ERC2: variants seen among roughly 807,000 people sequenced by gnomAD.
The protein encoded by ERC2 is ELKS/RAB6-interacting/CAST family member 2, also known as ERC protein 2.
A neutral mutation model predicts 114.8 loss-of-function variants in ERC2; 42 were observed. The observed-to-expected ratio is 0.37, with a 90% CI of 0.29 to 0.47. ERC2 has a LOEUF of 0.47. Ranked by LOEUF, ERC2 falls within the 20% of genes least tolerant of loss-of-function variation. ERC2 has a pLI of 0.99. For synonymous variants in ERC2, 454 were observed against 425.5 expected (o/e 1.07, Z -0.82); for missense variants, 939 against 1,150.7 (o/e 0.82, Z 2.66).
chr3:56,271,986 A>T (rs1336081657), intron 3 of ERC2, among the ~76,000 whole-genome samples: 1 of 152,198 alleles, frequency 6.6e-6, no homozygotes, highest in Non-Finnish European at 1.5e-5. Flanking sequence ...TTCTATATCC[A>T]GTCTACCATT....
intron 2 of ERC2, among the ~76,000 whole-genome samples, chr3:56,338,724 T>C (rs1222520163): frequency 6.6e-6 from 1 of 152,220 alleles, no homozygotes; most frequent in African/African-American, 2.4e-5. Context: ...GTGACTGTTC[T>C]GAGGGGGGAA....
intron 6 of ERC2, among the ~76,000 whole-genome samples, chr3:56,122,255 G>T (rs984417760): frequency 6.6e-6 from 1 of 152,050 alleles, no homozygotes; most frequent in Non-Finnish European, 1.5e-5. Context: ...ATTGTATTTC[G>T]TATCCCATAT....
chr3:56,041,559 A>G (rs1388666870), intron 7 of ERC2, among the ~76,000 whole-genome samples: 1 of 152,150 alleles, frequency 6.6e-6, no homozygotes, highest in Non-Finnish European at 1.5e-5. Context: ...GGCCAGAGAA[A>G]GCAGGCATTC....
Position 55,992,109 on chromosome 3 carries a change from C to G in ERC2, c.2203G>C (p.Glu735Gln), listed in dbSNP as rs749708188. The stretch of plus-strand genomic sequence containing the variant: ...TTGTCATTCTTCTCATTCTCCACCT[C>G]CTTGAGGATCTCCAGCAACCGGTCC... ...EVDRLLEILK[E>Q]VENEKNDKDK... Residue 735 changes from glutamate to glutamine, a missense_variant, in exon 11 of 18, where the codon GAG (glutamate) becomes CAG (glutamine). Physicochemically the swap from Glu to Gln is conservative, Grantham distance 29. This residue lies in a region of ERC2 where 328 missense variants were observed against 353.9 expected (regional missense o/e 0.93). Transcript: ENST00000288221. 9 of 1,613,992 alleles carry G rather than the reference C, an allele frequency of 5.6e-6. 1 individual carries two copies. In the South Asian group the frequency reaches 9.9e-5, roughly 18 times the overall value.
chr3:56,238,863 GA>G (rs2051139285), intron 3 of ERC2, among the ~76,000 whole-genome samples: 1 of 152,050 alleles, frequency 6.6e-6, no homozygotes, highest in Non-Finnish European at 1.5e-5. Flanking sequence ...CAAGATGTCA[GA>G]AAAAAATAAT....
chr3:56,207,989 A>AG (rs890832636), intron 3 of ERC2, among the ~76,000 whole-genome samples: 40 of 152,342 alleles, frequency 2.6e-4, no homozygotes, highest in African/African-American at 8.4e-4. Flanking sequence ...CCTGTCTTGT[A>AG]GATGGCATTT....
intron 2 of ERC2, among the ~76,000 whole-genome samples, chr3:56,402,883 A>G (rs141278638): frequency 2.0e-5 from 3 of 152,282 alleles, no homozygotes; most frequent in Admixed American, 6.5e-5. Context: ...CCTCAGCACT[A>G]TTGACATTTT....
chr3:56,385,551 T>C (rs1291606444), intron 2 of ERC2, among the ~76,000 whole-genome samples: 1 of 152,160 alleles, frequency 6.6e-6, no homozygotes, highest in Non-Finnish European at 1.5e-5. Flanking sequence ...AAACGGAACA[T>C]GATATGTGTT....
At chr3:56,121,390 T>A (rs767575795) in intron 6 of ERC2, among the ~76,000 whole-genome samples, 1 of 152,238 alleles carries the variant, frequency 6.6e-6, no homozygotes, top group East Asian at 1.9e-4. Flanking sequence ...AGAACACTCC[T>A]GGATTTTCAG....
chr3:55,883,255 T>C (rs1325428229), intron 14 of ERC2, among the ~76,000 whole-genome samples: 1 of 152,184 alleles, frequency 6.6e-6, no homozygotes, highest in African/African-American at 2.4e-5. Context: ...AATCTTTACA[T>C]TGGAAGAATC....
intron 2 of ERC2, among the ~76,000 whole-genome samples, chr3:56,406,162 G>A (rs2060718529): frequency 6.6e-6 from 1 of 152,076 alleles, no homozygotes; most frequent in East Asian, 1.9e-4. Context: ...CAAAGTACTG[G>A]GATTACAGGC....
At chr3:56,398,816 G>C (rs1198738411) in intron 2 of ERC2, among the ~76,000 whole-genome samples, 1 of 152,114 alleles carries the variant, frequency 6.6e-6, no homozygotes, top group African/African-American at 2.4e-5. Context: ...ACAGGATCTT[G>C]CTATGCTGCC....
At chr3:55,996,763 C>T (rs2071546913) in intron 10 of ERC2, among the ~76,000 whole-genome samples, 1 of 152,148 alleles carries the variant, frequency 6.6e-6, no homozygotes, top group African/African-American at 2.4e-5. Flanking sequence ...GGACTCTGAC[C>T]ATGGCTTGGG....
At chr3:56,404,680 T>A (rs1056159756) in intron 2 of ERC2, among the ~76,000 whole-genome samples, 2 of 151,252 alleles carry the variant, frequency 1.3e-5, no homozygotes, top group African/African-American at 4.9e-5. Context: ...ATGTATCCCA[T>A]AAACATATAC....
chr3:55,706,713 G>A (rs963956100), intron 15 of ERC2, among the ~76,000 whole-genome samples: 29 of 152,244 alleles, frequency 1.9e-4, no homozygotes, highest in African/African-American at 7.0e-4. Flanking sequence ...CACCCAGCTT[G>A]GGGTCTGTTT....
At chr3:56,328,343 C>T (rs1400119962) in intron 2 of ERC2, among the ~76,000 whole-genome samples, 2 of 152,162 alleles carry the variant, frequency 1.3e-5, no homozygotes, top group Non-Finnish European at 2.9e-5. Flanking sequence ...GACTCATCAC[C>T]TTCCACAATT....
intron 14 of ERC2, among the ~76,000 whole-genome samples, chr3:55,828,257 C>A (rs2060413515): frequency 6.6e-6 from 1 of 152,178 alleles, no homozygotes; most frequent in African/African-American, 2.4e-5. Flanking sequence ...ACATTCCGGA[C>A]AAAATACAAA....
chr3:55,659,003 T>G (rs1351222882), intron 17 of ERC2: 3 of 151,734 alleles, frequency 2.0e-5, no homozygotes, highest in Admixed American at 2.0e-4. Context: ...ATCTGCCACC[T>G]TCAACAGGCA....
intron 9 of ERC2, among the ~76,000 whole-genome samples, chr3:56,008,357 T>C (rs1421241334): frequency 1.3e-5 from 2 of 152,176 alleles, no homozygotes; most frequent in African/African-American, 2.4e-5. Context: ...ATCAGGAAAC[T>C]GAGGCTCACA....
Sources: gnomAD v4.1 joint callset for allele counts (sites outside exome capture counted in the v4.1 genomes callset) on GRCh38, gnomAD v4.1.1 for gene constraint, gnomAD v4.1.1 regional missense constraint, MANE v1.5 for transcripts, NCBI Gene and HGNC (gene_info 2026-07-23, HGNC 2026-07-21) for gene names.